Variants in AZIN2 observed in about 807,000 individuals in gnomAD.
AZIN2 encodes the protein antizyme inhibitor 2.
In AZIN2, 28 loss-of-function variants were observed where a neutral mutation model predicts 47.8. That is an observed-to-expected ratio of 0.59 (90% CI 0.43 to 0.80). The LOEUF is 0.80. Ranked by LOEUF, AZIN2 falls within the 30% of genes least tolerant of loss-of-function variation. The pLI is 0.00. For missense variants in AZIN2, 535 were observed against 582.5 expected (o/e 0.92, Z 0.84); for synonymous variants, 221 against 239.4 (o/e 0.92, Z 0.71).
At chr1:33,150,864 T>G in the AZIN2 span, among the ~76,000 whole-genome samples, 49 of 152,110 alleles carry the variant, frequency 3.2e-4, 1 homozygote, top group Non-Finnish European at 4.4e-5. Context: ...GGTGTGACAG[T>G]GGAGGGGCAG....
chr1:33,083,363 C>G (rs1035682190), intron 4 of AZIN2: 2 of 163,420 alleles, frequency 1.2e-5, no homozygotes, highest in African/African-American at 2.4e-5. Flanking sequence ...ACATGTTTGG[C>G]CTTTAGCACA....
At chr1:33,143,454 G>C in the AZIN2 span, among the ~76,000 whole-genome samples, 1 of 152,132 alleles carries the variant, frequency 6.6e-6, no homozygotes, top group Non-Finnish European at 1.5e-5. Flanking sequence ...TGAGAGGATG[G>C]GGGAGGGCTT....
At chr1:33,166,638 G>A in the AZIN2 span, among the ~76,000 whole-genome samples, 1 of 152,106 alleles carries the variant, frequency 6.6e-6, no homozygotes, top group Non-Finnish European at 1.5e-5. Context: ...AACATATAAT[G>A]GTAAAGAAGG....
At chr1:33,134,189 T>C in the AZIN2 span, among the ~76,000 whole-genome samples, 5 of 152,212 alleles carry the variant, frequency 3.3e-5, no homozygotes, top group African/African-American at 1.2e-4. Context: ...CACGTGGCAG[T>C]CCCTCAATAA....
chr1:33,153,500 T>G, the AZIN2 span, among the ~76,000 whole-genome samples: 2 of 152,170 alleles, frequency 1.3e-5, no homozygotes, highest in South Asian at 4.1e-4. Context: ...TGGCATCTAA[T>G]GGATAGAGGC....
At chr1:33,109,334 T>C (rs891056044) in intron 10 of AZIN2, among the ~76,000 whole-genome samples, 3 of 151,910 alleles carry the variant, frequency 2.0e-5, no homozygotes, top group African/African-American at 7.3e-5. Flanking sequence ...TTTCTTTTTT[T>C]TTTTTTTTAA....
chr1:33,120,509 T>C lies in AZIN2; in HGVS notation c.*327T>C, dbSNP rs1005573009. The C allele has an allele frequency of 1.2e-5, 3 of 245,614 alleles. No homozygotes were observed. The highest frequency in any genetic ancestry group is 6.7e-5 in the African/African-American group (3 of 44,456). 15.2% of individuals were successfully genotyped at this position (245,614 alleles called of 1,614,324 possible). A position where few individuals can be genotyped will look rare whatever the true frequency, so the allele number is the denominator to read the frequency against. On this transcript the variant is annotated 3_prime_UTR_variant, in exon 12 of 12. Coordinates refer to ENST00000294517, the MANE Select transcript of AZIN2 (RefSeq NM_052998.4). The stretch of plus-strand genomic sequence containing the variant: ...TGTAAATATAATGCAAATAAATAAA[T>C]ATTTAGGTTTTTAAAAACTGCAGCG...
chr1:33,125,552 T>A (rs1052910030), downstream of AZIN2, among the ~76,000 whole-genome samples: 1 of 152,240 alleles, frequency 6.6e-6, no homozygotes, highest in African/African-American at 2.4e-5. Context: ...GGCTTGAATG[T>A]TGCCATCTCA....
At chr1:33,101,863 C>T in intron 10 of AZIN2, 1 of 779,634 alleles carries the variant, frequency 1.3e-6, no homozygotes, top group Non-Finnish European at 2.4e-6. Flanking sequence ...CTACATGTCT[C>T]TAGAGTCCAT....
chr1:33,093,478 A>G, intron 7 of AZIN2, 62 bp downstream of exon 7: 1 of 1,579,314 alleles, frequency 6.3e-7, no homozygotes, highest in South Asian at 1.2e-5. Flanking sequence ...TTTCCCAGGA[A>G]TTAATTCTAT....
In AZIN2 at chr1:33,121,837, G is replaced by T. The variant is rs1644800892; in HGVS notation, c.*1655G>T. Among the ~76,000 whole-genome samples, 1 of 152,204 alleles carries T rather than the reference G, an allele frequency of 6.6e-6. No homozygotes were observed. Among genetic ancestry groups the T allele is most frequent in the Admixed American group, 6.5e-5 (1 of 15,274 alleles). Reference sequence around the variant, plus strand: ...CTGACCATCCTGCTTCAGTATCTCAGCCAGTCCTGGTGGGAACTGTACGTG... The same window carrying T: ...CTGACCATCCTGCTTCAGTATCTCATCCAGTCCTGGTGGGAACTGTACGTG... On this transcript the variant is annotated 3_prime_UTR_variant, in exon 12 of 12. Transcript: ENST00000294517.
At chr1:33,082,130 G>A (rs1251345738) in intron 3 of AZIN2, 48 bp from the exon 4 acceptor site, 13 of 823,604 alleles carry the variant, frequency 1.6e-5, no homozygotes, top group Non-Finnish European at 2.2e-5. Flanking sequence ...GAGTGGGGCA[G>A]CAGAGCCGGC....
the AZIN2 span, among the ~76,000 whole-genome samples, chr1:33,161,778 C>T: frequency 6.6e-6 from 1 of 152,186 alleles, no homozygotes; most frequent in African/African-American, 2.4e-5. This position sits in a 1 kb window ranked among gnomAD's most constrained non-coding sequence, Gnocchi z 4.3. Context: ...CCTCTGGCTC[C>T]TCCTAGACCA....
At chr1:33,152,960 G>T in the AZIN2 span, among the ~76,000 whole-genome samples, 5 of 150,176 alleles carry the variant, frequency 3.3e-5, no homozygotes, top group Admixed American at 6.8e-5. Flanking sequence ...GTGCCTGGGA[G>T]TTGGGGGATT....
At chr1:33,145,798 C>T in the AZIN2 span, 1 of 465,304 alleles carries the variant, frequency 2.1e-6, no homozygotes, top group South Asian at 1.6e-5. Context: ...GAGTTCTTCA[C>T]GATTGGATGC....
the AZIN2 span, chr1:33,142,950 A>G: frequency 6.6e-6 from 1 of 152,150 alleles, no homozygotes; most frequent in Non-Finnish European, 1.5e-5. Context: ...ATAAGGTGTA[A>G]AAAGGACCAG....
chr1:33,147,551 A>C, the AZIN2 span: 1 of 1,614,074 alleles, frequency 6.2e-7, no homozygotes, highest in Admixed American at 1.7e-5. This position sits in a 1 kb window ranked among gnomAD's most constrained non-coding sequence, Gnocchi z 8.1. Context: ...ACCTCCCAGT[A>C]GTGGACGCCA....
At chr1:33,099,701 C>T (rs1015101129) in intron 10 of AZIN2, among the ~76,000 whole-genome samples, 2 of 152,208 alleles carry the variant, frequency 1.3e-5, no homozygotes, top group Non-Finnish European at 2.9e-5. Flanking sequence ...ATGTTTGACT[C>T]TCTTTGTGGT....
intron 9 of AZIN2, among the ~76,000 whole-genome samples, chr1:33,097,233 A>G (rs1643249744): frequency 6.6e-6 from 1 of 152,204 alleles, no homozygotes; most frequent in Non-Finnish European, 1.5e-5. Flanking sequence ...TCTCCAAAAT[A>G]CAGGCTCCTA....
Sources: allele counts gnomAD v4.1 joint callset (sites outside exome capture counted in the v4.1 genomes callset), GRCh38; gene constraint gnomAD v4.1.1; non-coding constraint Gnocchi (gnomAD v3.1); transcripts MANE v1.5; gene names NCBI Gene and HGNC (gene_info 2026-07-23, HGNC 2026-07-21).